PRKCA: variants seen among roughly 807,000 people sequenced by gnomAD.
PRKCA encodes the protein protein kinase C alpha.
A neutral mutation model predicts 87.0 loss-of-function variants in PRKCA; 27 were observed. The observed-to-expected ratio is 0.31, with a 90% confidence interval of 0.23 to 0.43. The LOEUF (loss-of-function observed/expected upper bound fraction) is 0.43, where lower values mean the gene tolerates loss of function less well. Ranked by LOEUF, PRKCA falls within the 20% of genes least tolerant of loss-of-function variation. The pLI is 1.00. For synonymous variants in PRKCA, 329 were observed against 311.1 expected (o/e 1.06, Z -0.61); for missense variants, 518 against 852.3 (o/e 0.61, Z 4.88).
intron 2 of PRKCA, 82 bp from the exon 3 acceptor site, chr17:66,496,119 C>T (rs1356922312): frequency 2.8e-6 from 3 of 1,059,700 alleles, no homozygotes; most frequent in Non-Finnish European, 4.3e-6. Flanking sequence ...TGACTTCTAA[C>T]AGCAAGTATC....
intron 2 of PRKCA, among the ~76,000 whole-genome samples, chr17:66,432,554 G>A (rs530923349): frequency 9.9e-5 from 15 of 152,274 alleles, no homozygotes; most frequent in African/African-American, 3.6e-4. Flanking sequence ...TTAAATATGT[G>A]AGAAAACTAC....
At chr17:66,712,121 G>A (rs1437901554) in intron 8 of PRKCA, among the ~76,000 whole-genome samples, 1 of 152,124 alleles carries the variant, frequency 6.6e-6, no homozygotes, top group African/African-American at 2.4e-5. Flanking sequence ...AATACACTGA[G>A]CCTCTGTGCA....
chr17:66,514,735 G>C (rs1194675542), intron 3 of PRKCA, among the ~76,000 whole-genome samples: 1 of 152,016 alleles, frequency 6.6e-6, no homozygotes, highest in East Asian at 1.9e-4. Flanking sequence ...TGAGCCAAAG[G>C]TGAACTCAAA....
rs1365145903 is a variant in PRKCA, at chr17:66,548,809, T to G, written c.288+52526T>G. On this transcript the variant is annotated intron_variant, in intron 3 of 16. Transcript: ENST00000413366. ...CGCCTACCGAATACGTTTCGGCAAG[T>G]TTTTTTTTTTTTGAAGCAGGCTCTC... 1.2e-4 allele frequency among the ~76,000 whole-genome samples: 3 copies of G among 25,014 alleles called. No individual in the cohort carries two copies. In the Admixed American group the frequency reaches 1.5e-3, roughly 13 times the overall value. The allele number at this position is 25,014 out of a possible 152,430, so 16.4% of individuals were successfully genotyped here.
intron 2 of PRKCA, among the ~76,000 whole-genome samples, chr17:66,393,533 G>C (rs554897804): frequency 2.4e-4 from 36 of 152,310 alleles, no homozygotes; most frequent in African/African-American, 8.4e-4. Flanking sequence ...GTCGTTTCCT[G>C]ACGTTGACTG....
chr17:66,344,957 A>G (rs780077805), intron 2 of PRKCA, among the ~76,000 whole-genome samples: 4 of 152,152 alleles, frequency 2.6e-5, no homozygotes, highest in Non-Finnish European at 5.9e-5. Flanking sequence ...CACATTGTGC[A>G]TTCAGATTTT....
At chr17:66,373,997 G>A (rs1014941452) in intron 2 of PRKCA, among the ~76,000 whole-genome samples, 26 of 152,164 alleles carry the variant, frequency 1.7e-4, no homozygotes, top group African/African-American at 6.0e-4. Flanking sequence ...TGCAGTGGGG[G>A]TTTGAGGGCA....
At chr17:66,734,455 A>G (rs549567382) in intron 9 of PRKCA, among the ~76,000 whole-genome samples, 37 of 152,298 alleles carry the variant, frequency 2.4e-4, no homozygotes, top group African/African-American at 5.8e-4. Flanking sequence ...TTGCCATGGC[A>G]TTTGTAAACT....
At chr17:66,628,091 G>A (rs1970908935) in intron 3 of PRKCA, among the ~76,000 whole-genome samples, 1 of 151,682 alleles carries the variant, frequency 6.6e-6, no homozygotes, top group Non-Finnish European at 1.5e-5. Flanking sequence ...TGTAAAACTG[G>A]TTACTGGCAA....
intron 3 of PRKCA, among the ~76,000 whole-genome samples, chr17:66,521,977 T>C (rs1046027727): frequency 2.0e-5 from 3 of 152,212 alleles, no homozygotes; most frequent in African/African-American, 7.2e-5. Flanking sequence ...TGAACTTAAA[T>C]TTAGCTCTGA....
chr17:66,507,224 G>A (rs1021892792), intron 3 of PRKCA, among the ~76,000 whole-genome samples: 3 of 152,170 alleles, frequency 2.0e-5, no homozygotes, highest in Admixed American at 1.3e-4. Flanking sequence ...TCACTTCAGC[G>A]GATAACATAC....
At chr17:66,636,354 A>G (rs1971151834) in intron 3 of PRKCA, among the ~76,000 whole-genome samples, 1 of 152,226 alleles carries the variant, frequency 6.6e-6, no homozygotes, top group Non-Finnish European at 1.5e-5. Flanking sequence ...AAATGGCATC[A>G]TCCATATAAT....
In PRKCA at chr17:66,519,229, C is replaced by T. The variant is rs999428087; in HGVS notation, c.288+22946C>T. Among the ~76,000 whole-genome samples the T allele has an allele frequency of 9.9e-5, 15 of 152,002 alleles. No individual in the cohort carries two copies. The South Asian group carries it at 1.5e-3, about 15-fold the overall frequency. Reference sequence around the variant, plus strand: ...GAGTGAATCCAGGAAAGGAGCAAGCCGAAAGTTCACAGGGATTGTTGGAAA... The same window carrying T: ...GAGTGAATCCAGGAAAGGAGCAAGCTGAAAGTTCACAGGGATTGTTGGAAA... On this transcript the variant is annotated intron_variant, in intron 3 of 16. Coordinates refer to ENST00000413366, the MANE Select transcript of PRKCA (RefSeq NM_002737.3).
chr17:66,508,707 C>A (rs930948283), intron 3 of PRKCA, among the ~76,000 whole-genome samples: 4 of 152,160 alleles, frequency 2.6e-5, no homozygotes, highest in Admixed American at 6.5e-5. Context: ...GTTCTGCTTT[C>A]AACTCTCTTT....
intron 3 of PRKCA, among the ~76,000 whole-genome samples, chr17:66,525,867 A>T (rs916445062): frequency 6.6e-6 from 1 of 150,454 alleles, no homozygotes; most frequent in Non-Finnish European, 1.5e-5. Flanking sequence ...TTCAATTCAG[A>T]AGAAGGTCTG....
chr17:66,643,957 G>A (rs1326171528), intron 4 of PRKCA, among the ~76,000 whole-genome samples: 2 of 152,162 alleles, frequency 1.3e-5, no homozygotes, highest in Non-Finnish European at 2.9e-5. Context: ...ACTGCAACAC[G>A]GCCCAGTGCA....
At chr17:66,337,321 C>T (rs1276094608) in intron 2 of PRKCA, among the ~76,000 whole-genome samples, 1 of 152,124 alleles carries the variant, frequency 6.6e-6, no homozygotes, top group Non-Finnish European at 1.5e-5. Context: ...CAGTCCTCAA[C>T]ATGTAAAGAT....
At chr17:66,744,931 T>C (rs1974240018) in intron 13 of PRKCA, among the ~76,000 whole-genome samples, 1 of 152,220 alleles carries the variant, frequency 6.6e-6, no homozygotes, top group Admixed American at 6.5e-5. Context: ...ACGTAGCATC[T>C]TCCAATCTCT....
intron 13 of PRKCA, among the ~76,000 whole-genome samples, chr17:66,762,671 G>A (rs188916642): frequency 1.4e-4 from 22 of 152,288 alleles, no homozygotes; most frequent in East Asian, 5.8e-4. Context: ...AAGAGGACAC[G>A]GTCAGGAGAC....
Sources: gnomAD v4.1 joint callset for allele counts (sites outside exome capture counted in the v4.1 genomes callset) on GRCh38, gnomAD v4.1.1 for gene constraint, MANE v1.5 for transcripts, NCBI Gene and HGNC (gene_info 2026-07-23, HGNC 2026-07-21) for gene names.